Variants in MACROD2 observed in about 807,000 individuals in gnomAD.
MACROD2 encodes the protein mono-ADP ribosylhydrolase 2.
A neutral mutation model predicts 70.4 loss-of-function variants in MACROD2; 36 were observed. The ratio of observed to expected loss-of-function variants is 0.51; its 90% CI spans 0.39 to 0.68. The LOEUF (loss-of-function observed/expected upper bound fraction) is 0.68. Ranked by LOEUF, MACROD2 falls within the 30% of genes least tolerant of loss-of-function variation. MACROD2 has a pLI of 0.00. For synonymous variants in MACROD2, 172 were observed against 178.8 expected (o/e 0.96, Z 0.30); for missense variants, 496 against 538.4 (o/e 0.92, Z 0.78).
chr20:15,060,120 A>T (rs1601012988), intron 5 of MACROD2, among the ~76,000 whole-genome samples: 1 of 152,322 alleles, frequency 6.6e-6, no homozygotes, highest in East Asian at 1.9e-4. Context: ...CTTGGGAAGG[A>T]GATTGCTAGC....
chr20:15,597,371 T>C (rs958419276), intron 8 of MACROD2, among the ~76,000 whole-genome samples: 2 of 152,324 alleles, frequency 1.3e-5, no homozygotes, highest in Non-Finnish European at 2.9e-5. Context: ...ATTGCTCTGT[T>C]AGGATTGGAT....
Position 15,164,917 on chromosome 20 carries a change from G to A in MACROD2, c.419-65023G>A, listed in dbSNP as rs950308217. 5.9e-5 allele frequency among the ~76,000 whole-genome samples: 9 copies of A among 151,782 alleles called. No individual in the cohort carries two copies. In the South Asian group the frequency reaches 8.3e-4, roughly 14 times the overall value. ...CTGTCTCTAAAAAAATAAATAAGCCGTAAAAATATCAATATCAGCATAAAT... is the reference window on the plus strand; with the variant it reads ...CTGTCTCTAAAAAAATAAATAAGCCATAAAAATATCAATATCAGCATAAAT... On this transcript the variant is annotated intron_variant, in intron 5 of 17. Coordinates refer to ENST00000684519, the MANE Select transcript of MACROD2 (RefSeq NM_001351661.2).
chr20:14,322,190 A>ATATATATG (rs1555780264), intron 3 of MACROD2, among the ~76,000 whole-genome samples: 4 of 130,106 alleles, frequency 3.1e-5, no homozygotes, highest in African/African-American at 1.1e-4. Flanking sequence ...ATATATATAT[A>ATATATATG]TATATATATA....
intron 7 of MACROD2, among the ~76,000 whole-genome samples, chr20:15,473,516 T>A (rs2046985497): frequency 6.6e-6 from 1 of 152,046 alleles, no homozygotes; most frequent in Non-Finnish European, 1.5e-5. Context: ...CCTGAAGACA[T>A]CCCCCCAGGA....
chr20:14,290,439 G>A (rs1185730203), intron 3 of MACROD2, among the ~76,000 whole-genome samples: 3 of 151,954 alleles, frequency 2.0e-5, no homozygotes, highest in Non-Finnish European at 4.4e-5. Context: ...ACCTACCTGA[G>A]CACCCAGGCC....
intron 6 of MACROD2, among the ~76,000 whole-genome samples, chr20:15,265,840 A>T (rs1004487885): frequency 2.0e-5 from 3 of 152,196 alleles, no homozygotes; most frequent in Admixed American, 2.0e-4. Flanking sequence ...TTGATTTCTG[A>T]TTTCTCTAAC....
rs145257866 is a variant in MACROD2 at position 15,345,701 on chromosome 20, G to T, written c.541-85704G>T. 3.9e-3 allele frequency among the ~76,000 whole-genome samples: 598 copies of T among 152,286 alleles called. 7 individuals are homozygous for T. The highest frequency in any genetic ancestry group is 0.014 in the African/African-American group (575 of 41,554). On this transcript the variant is annotated intron_variant, in intron 6 of 17. Coordinates refer to ENST00000684519, the MANE Select transcript of MACROD2 (RefSeq NM_001351661.2). ...AAACTTTACTTAACTTTAATTAATT[G>T]AAATGTAAATTGAATTAGCTACACA...
At chr20:14,461,899 TG>T (rs1316198769) in intron 3 of MACROD2, among the ~76,000 whole-genome samples, 2 of 152,066 alleles carry the variant, frequency 1.3e-5, no homozygotes, top group African/African-American at 4.8e-5. Context: ...GTTGGACATT[TG>T]GGTTGGTTCC....
intron 4 of MACROD2, among the ~76,000 whole-genome samples, chr20:14,515,829 A>G (rs2085091662): frequency 6.6e-6 from 1 of 151,918 alleles, no homozygotes; most frequent in Non-Finnish European, 1.5e-5. Flanking sequence ...TGTATTTCAA[A>G]ATTGCTAAAA....
chr20:15,508,017 TG>T (rs2047450450), intron 8 of MACROD2, among the ~76,000 whole-genome samples: 1 of 152,216 alleles, frequency 6.6e-6, no homozygotes, highest in Admixed American at 6.5e-5. Flanking sequence ...ATTCTTACTC[TG>T]GTGGGGAGCT....
At chr20:14,720,448 T>C (rs866972882) in intron 5 of MACROD2, among the ~76,000 whole-genome samples, 3 of 151,858 alleles carry the variant, frequency 2.0e-5, no homozygotes, top group Middle Eastern at 3.4e-3. Flanking sequence ...ACAGTTGTCA[T>C]AGTCATTTCC....
At chr20:14,409,427 T>TA (rs2083725754) in intron 3 of MACROD2, among the ~76,000 whole-genome samples, 1 of 137,034 alleles carries the variant, frequency 7.3e-6, no homozygotes. Flanking sequence ...GTTATTGGTA[T>TA]TTTATTATTA....
intron 10 of MACROD2, among the ~76,000 whole-genome samples, chr20:15,891,868 G>T (rs2064894090): frequency 6.6e-6 from 1 of 152,156 alleles, no homozygotes; most frequent in African/African-American, 2.4e-5. Flanking sequence ...TGGGAGTTGA[G>T]TGCAGGAAAG....
chr20:15,713,997 A>ACG (rs1568989183), intron 8 of MACROD2, among the ~76,000 whole-genome samples: 5 of 136,074 alleles, frequency 3.7e-5, no homozygotes, highest in African/African-American at 1.4e-4. Flanking sequence ...GCACACACAC[A>ACG]CACACACACA....
intron 12 of MACROD2, among the ~76,000 whole-genome samples, chr20:15,956,050 G>A (rs1003127532): frequency 4.6e-5 from 7 of 152,156 alleles, no homozygotes; most frequent in African/African-American, 1.7e-4. Context: ...GTGAAACTTG[G>A]TGTGTATTTT....
intron 3 of MACROD2, among the ~76,000 whole-genome samples, chr20:14,490,573 A>G (rs1238528643): frequency 6.6e-6 from 1 of 152,164 alleles, no homozygotes; most frequent in African/African-American, 2.4e-5. Flanking sequence ...GTCTTGCTTC[A>G]TAAGCATGCT....
rs1265351746 is a variant in MACROD2, at chr20:15,677,045, C to CT, written c.645+177199dup. 5.9e-5 allele frequency among the ~76,000 whole-genome samples: 9 copies of CT among 152,224 alleles called. No homozygotes were observed. The East Asian group carries it at 1.7e-3, about 29-fold the overall frequency. On this transcript the variant is annotated intron_variant, in intron 8 of 17. Coordinates refer to ENST00000684519, the MANE Select transcript of MACROD2 (RefSeq NM_001351661.2). ...ATGACTTTGGGATATTTATATCATCCTGGTGCCTCAAGGTTAAAATTAGTA... is the reference window on the plus strand; with the variant it reads ...ATGACTTTGGGATATTTATATCATCCTTGGTGCCTCAAGGTTAAAATTAGTA...
At chr20:15,939,534 A>G (rs1037792238) in intron 12 of MACROD2, among the ~76,000 whole-genome samples, 7 of 151,972 alleles carry the variant, frequency 4.6e-5, no homozygotes, top group African/African-American at 1.7e-4. Context: ...AATGATTCAA[A>G]ATATTACTGC....
chr20:15,351,673 G>T (rs1331177641), intron 6 of MACROD2, among the ~76,000 whole-genome samples: 1 of 152,146 alleles, frequency 6.6e-6, no homozygotes, highest in Non-Finnish European at 1.5e-5. Context: ...CAACCTGAAG[G>T]TGTTTTTGGG....
Sources: gnomAD v4.1 joint callset for allele counts (sites outside exome capture counted in the v4.1 genomes callset) on GRCh38, gnomAD v4.1.1 for gene constraint, MANE v1.5 for transcripts, NCBI Gene and HGNC (gene_info 2026-07-23, HGNC 2026-07-21) for gene names.